Variants in XRRA1 observed in about 807,000 individuals in gnomAD.
XRRA1 encodes X-ray radiation resistance associated 1, also known as X-ray radiation resistance-associated protein 1.
Under a neutral mutation model 80.2 loss-of-function variants are expected in XRRA1, and 69 were observed. That is an observed-to-expected ratio of 0.86 (90% CI 0.71 to 1.05). The LOEUF is 1.05. Ranked by LOEUF, XRRA1 falls within the 50% of genes least tolerant of loss-of-function variation. The probability of loss-of-function intolerance (pLI) is 0.00; values close to 1 mark genes in which losing one functional copy is unlikely to be tolerated. For synonymous variants in XRRA1, 348 were observed against 389.9 expected (o/e 0.89, Z 1.27); for missense variants, 967 against 976.4 (o/e 0.99, Z 0.13).
At chr11:74,872,584 C>A (rs1487178340) in intron 10 of XRRA1, among the ~76,000 whole-genome samples, 3 of 151,988 alleles carry the variant, frequency 2.0e-5, no homozygotes, top group Non-Finnish European at 4.4e-5. Context: ...GAAGGAGTGC[C>A]CAGGCAGCAA....
chr11:74,857,332 A>G (rs1239634627), intron 12 of XRRA1, among the ~76,000 whole-genome samples: 2 of 152,224 alleles, frequency 1.3e-5, no homozygotes, highest in Non-Finnish European at 2.9e-5. Context: ...CAGTAAGTAT[A>G]AGGAAGCAAA....
intron 14 of XRRA1, among the ~76,000 whole-genome samples, chr11:74,848,903 A>T (rs1275841827): frequency 6.6e-6 from 1 of 152,104 alleles, no homozygotes; most frequent in Non-Finnish European, 1.5e-5. Flanking sequence ...CTCCGAGGAG[A>T]GGGTGTTGGG....
At chr11:74,846,215 C>T (rs985386710) in intron 15 of XRRA1, 20 of 152,212 alleles carry the variant, frequency 1.3e-4, no homozygotes, top group African/African-American at 4.3e-4. Flanking sequence ...CATGTATATA[C>T]GTGTGTGTAT....
intron 10 of XRRA1, among the ~76,000 whole-genome samples, chr11:74,897,128 CAAA>C (rs201431786): frequency 0.01 from 1,548 of 152,034 alleles, 26 homozygotes; most frequent in African/African-American, 0.033. Context: ...CAAGATAACA[CAAA>C]GAAGGAATTC....
chr11:74,870,300 C>A (rs1284622364), intron 10 of XRRA1, among the ~76,000 whole-genome samples: 2 of 152,284 alleles, frequency 1.3e-5, no homozygotes, highest in East Asian at 3.9e-4. Flanking sequence ...GGTCCAGAGG[C>A]AACTGATAGT....
intron 3 of XRRA1, among the ~76,000 whole-genome samples, chr11:74,938,583 C>A (rs1945594886): frequency 6.6e-6 from 1 of 152,226 alleles, no homozygotes; most frequent in Non-Finnish European, 1.5e-5. Context: ...GTTATTCAAT[C>A]AAACACTAAT....
intron 4 of XRRA1, among the ~76,000 whole-genome samples, chr11:74,934,187 G>C (rs1477636042): frequency 6.6e-6 from 1 of 152,124 alleles, no homozygotes; most frequent in African/African-American, 2.4e-5. Context: ...TATGTGCCTT[G>C]CCAAAGGTCC....
chr11:74,848,196 CAGGT>C lies in XRRA1; in HGVS notation c.1643_1646del (p.His548ArgfsTer26), dbSNP rs1287093883. ...GGCTGAGGCGGACAGTTGTGTCACT[CAGGT>C]GGGACAGGGTCTCTTCACTATGCAC... is the stretch of plus-strand genomic sequence containing the variant. On this transcript the variant is annotated frameshift_variant, in exon 15 of 19. Coordinates refer to ENST00000684022, the MANE Select transcript of XRRA1 (RefSeq NM_001378157.1). LOFTEE classifies it high-confidence loss of function. The C allele has an allele frequency of 6.2e-7, 1 of 1,613,740 alleles. No individual in the cohort carries two copies. The highest frequency in any genetic ancestry group is 8.5e-7 in the Non-Finnish European group (1 of 1,179,882).
chr11:74,889,459 G>A (rs1213757507), intron 10 of XRRA1, among the ~76,000 whole-genome samples: 2 of 152,186 alleles, frequency 1.3e-5, no homozygotes, highest in African/African-American at 2.4e-5. Context: ...ATGCCAAATT[G>A]TAAAGACTAT....
Position 74,914,178 on chromosome 11 carries a change from G to A in XRRA1, c.657-6905C>T, listed in dbSNP as rs527287447. Among the ~76,000 whole-genome samples, 11 of 152,278 alleles carry A rather than the reference G, an allele frequency of 7.2e-5. No individual in the cohort carries two copies. The East Asian group carries it at 1.7e-3, about 24-fold the overall frequency. On this transcript the variant is annotated intron_variant, in intron 8 of 18. Coordinates refer to ENST00000684022, the MANE Select transcript of XRRA1 (RefSeq NM_001378157.1). ...TTTTTGTATTTTTAGTAGAGACAGG[G>A]TTTTGCCACATTGGCCAAGCTGGTC...
intron 1 of XRRA1, among the ~76,000 whole-genome samples, chr11:74,945,351 A>C (rs1047129023): frequency 1.3e-5 from 2 of 152,238 alleles, no homozygotes; most frequent in African/African-American, 4.8e-5. Context: ...ACGAAGCACA[A>C]ACCTGAAAGG....
Position 74,843,662 on chromosome 11 carries a change from C to G in XRRA1, c.2149+192G>C, listed in dbSNP as rs1591458944. On this transcript the variant is annotated intron_variant, in intron 18 of 18. Transcript: ENST00000684022. ...TCTATCTTAAGCCCTGGTTCAGGAC[C>G]TTAACATGCTGTGTGATTTTAGGCA... 9.7e-6 allele frequency: 8 copies of G among 821,406 alleles called. No homozygotes were observed. The East Asian group carries it at 2.1e-4, about 22-fold the overall frequency. The allele number at this position is 821,406 out of a possible 1,614,324, so 50.9% of individuals were successfully genotyped here. A position where few individuals can be genotyped will look rare whatever the true frequency, so the allele number is the denominator to read the frequency against.
intron 12 of XRRA1, among the ~76,000 whole-genome samples, chr11:74,858,290 G>C (rs186945777): frequency 6.6e-6 from 1 of 152,306 alleles, no homozygotes; most frequent in Non-Finnish European, 1.5e-5. Context: ...GTGTAACAGT[G>C]GGGGAAAGAA....
At chr11:74,894,601 A>G (rs1050837672) in intron 10 of XRRA1, among the ~76,000 whole-genome samples, 1 of 152,174 alleles carries the variant, frequency 6.6e-6, no homozygotes, top group Non-Finnish European at 1.5e-5. Flanking sequence ...CAAACACTTA[A>G]CATAACTATC....
intron 8 of XRRA1, among the ~76,000 whole-genome samples, chr11:74,914,714 T>C (rs1473337933): frequency 6.6e-6 from 1 of 152,050 alleles, no homozygotes; most frequent in African/African-American, 2.4e-5. Flanking sequence ...TAACCTTTTT[T>C]TTTTTTTTTT....
intron 10 of XRRA1, among the ~76,000 whole-genome samples, chr11:74,864,960 A>G (rs905103758): frequency 1.3e-5 from 2 of 152,126 alleles, no homozygotes; most frequent in African/African-American, 4.8e-5. Flanking sequence ...TGGAAGACAC[A>G]TGCCCCTCTG....
intron 10 of XRRA1, among the ~76,000 whole-genome samples, chr11:74,900,394 T>C (rs1301237685): frequency 1.3e-5 from 2 of 151,634 alleles, no homozygotes; most frequent in African/African-American, 2.4e-5. Context: ...ACCAGCCTGA[T>C]CAACATGGAG....
intron 2 of XRRA1, among the ~76,000 whole-genome samples, chr11:74,942,097 T>A (rs888615486): frequency 4.1e-5 from 6 of 147,234 alleles, no homozygotes; most frequent in African/African-American, 1.2e-4. Flanking sequence ...ACCCCATATT[T>A]AAAAAAAAAA....
intron 12 of XRRA1, among the ~76,000 whole-genome samples, chr11:74,853,351 C>T (rs1007262978): frequency 6.6e-6 from 1 of 152,186 alleles, no homozygotes; most frequent in African/African-American, 2.4e-5. Flanking sequence ...CTACCTCTAG[C>T]ACACGGATTT....
Sources: gnomAD v4.1 joint callset for allele counts (sites outside exome capture counted in the v4.1 genomes callset) on GRCh38, gnomAD v4.1.1 for gene constraint, MANE v1.5 for transcripts, NCBI Gene and HGNC (gene_info 2026-07-23, HGNC 2026-07-21) for gene names.